Variants in NAV3 observed in about 807,000 individuals in gnomAD.
The protein encoded by NAV3 is pore membrane and/or filament interacting like protein 1.
In NAV3, 87 loss-of-function variants were observed where a neutral mutation model predicts 244.7. The observed-to-expected ratio is 0.36, with a 90% confidence interval of 0.30 to 0.42. NAV3 has a LOEUF of 0.42. NAV3 is among the 20% of genes least tolerant of loss of function. The pLI is 1.00. For synonymous variants in NAV3, 1,126 were observed against 1,042.2 expected (o/e 1.08, Z -1.55); for missense variants, 2,663 against 2,893.3 (o/e 0.92, Z 1.83).
chr12:78,212,702 C>T lies in NAV3; in HGVS notation c.*2185C>T, dbSNP rs1960976207. The T allele has an allele frequency of 2.0e-5, 3 of 152,736 alleles. No individual in the cohort carries two copies. Among genetic ancestry groups the T allele is most frequent in the Middle Eastern group, 3.4e-3 (1 of 294 alleles). 9.5% of individuals were successfully genotyped at this position (152,736 alleles called of 1,614,324 possible). ...CTGCAATACATCCCAGTAGGTCCAC[C>T]TAGTTTACAACTTAAACTAGTTTGT... On this transcript the variant is annotated 3_prime_UTR_variant, in exon 40 of 40. Transcript: ENST00000397909.
At chr12:78,204,651 A>T (rs1002168680) in intron 38 of NAV3, among the ~76,000 whole-genome samples, 2 of 152,054 alleles carry the variant, frequency 1.3e-5, no homozygotes, top group Non-Finnish European at 2.9e-5. Flanking sequence ...AAATGTGGGC[A>T]GTCATTTCTA....
intron 12 of NAV3, among the ~76,000 whole-genome samples, chr12:78,091,156 T>C (rs1305270909): frequency 6.6e-6 from 1 of 152,192 alleles, no homozygotes; most frequent in Non-Finnish European, 1.5e-5. Flanking sequence ...ACTCTACTTA[T>C]AATGTGCGAC....
At chr12:77,669,456 C>T (rs1437861960) in intron 2 of NAV3, among the ~76,000 whole-genome samples, 1 of 152,100 alleles carries the variant, frequency 6.6e-6, no homozygotes, top group Non-Finnish European at 1.5e-5. Context: ...CTTCAGGAGA[C>T]TCACCTGACA....
chr12:78,105,732 T>C (rs796536226), intron 12 of NAV3, among the ~76,000 whole-genome samples: 28 of 152,054 alleles, frequency 1.8e-4, no homozygotes, highest in African/African-American at 6.7e-4. Context: ...AAACAAAAGG[T>C]TTCTTCATCA....
intron 12 of NAV3, among the ~76,000 whole-genome samples, chr12:78,068,670 A>G (rs1952603542): frequency 6.8e-6 from 1 of 147,970 alleles, no homozygotes; most frequent in Non-Finnish European, 1.5e-5. Flanking sequence ...TATTTTATAT[A>G]TAATGGATGT....
intron 5 of NAV3, among the ~76,000 whole-genome samples, chr12:77,974,769 T>C (rs531300530): frequency 4.9e-4 from 74 of 152,288 alleles, no homozygotes; most frequent in African/African-American, 1.7e-3. Flanking sequence ...CTTCCTCTAA[T>C]ATTGGAATGG....
At chr12:78,133,166 A>G (rs895525822) in intron 18 of NAV3, among the ~76,000 whole-genome samples, 1 of 152,128 alleles carries the variant, frequency 6.6e-6, no homozygotes, top group Non-Finnish European at 1.5e-5. Flanking sequence ...CCGTGTCAAC[A>G]TAATCTCATG....
chr12:78,050,957 C>A lies in NAV3; in HGVS notation c.2326C>A (p.Pro776Thr), dbSNP rs2137254494. 1 of 1,614,032 alleles carries A rather than the reference C, an allele frequency of 6.2e-7. No individual in the cohort carries two copies. The highest frequency in any genetic ancestry group is 8.5e-7 in the Non-Finnish European group (1 of 1,180,014). Reference sequence around the variant, plus strand: ...TACCAGTCGATTCATCCACACAGACCCCTCGAGGTTCATGTATACCACGCC... The same window carrying A: ...TACCAGTCGATTCATCCACACAGACACCTCGAGGTTCATGTATACCACGCC... The part of the protein sequence containing the change: ...SGTSRFIHTD[P>T]SRFMYTTPLR... Residue 776 changes from proline to threonine, a missense_variant, in exon 11 of 40, where the codon CCC becomes ACC. Coordinates refer to ENST00000397909, the MANE Select transcript of NAV3 (RefSeq NM_001024383.2).
chr12:77,962,715 C>T (rs1892138795), intron 3 of NAV3, among the ~76,000 whole-genome samples: 1 of 152,096 alleles, frequency 6.6e-6, no homozygotes, highest in Admixed American at 6.6e-5. Context: ...TTGTGGATTA[C>T]CATCCATTAA....
intron 9 of NAV3, among the ~76,000 whole-genome samples, chr12:78,024,965 ACT>A (rs1877770645): frequency 6.9e-6 from 1 of 144,876 alleles, no homozygotes; most frequent in South Asian, 2.2e-4. Flanking sequence ...ACAGAGCAAG[ACT>A]CTGTCTCAAG....
intron 2 of NAV3, among the ~76,000 whole-genome samples, chr12:77,810,982 A>G (rs1467064144): frequency 1.3e-5 from 2 of 152,260 alleles, no homozygotes; most frequent in Non-Finnish European, 2.9e-5. Flanking sequence ...ACTACTGGTA[A>G]CAAATATACA....
chr12:77,599,600 A>C (rs943564208), intron 2 of NAV3, among the ~76,000 whole-genome samples: 2 of 151,802 alleles, frequency 1.3e-5, no homozygotes, highest in Non-Finnish European at 2.9e-5. Flanking sequence ...AGATTTCTAA[A>C]TTTGGGGTTA....
At chr12:77,716,313 T>C (rs1431072591) in intron 2 of NAV3, among the ~76,000 whole-genome samples, 1 of 151,796 alleles carries the variant, frequency 6.6e-6, no homozygotes, top group Admixed American at 6.6e-5. Flanking sequence ...TGGAAATTAT[T>C]TGTTACACTG....
chr12:77,909,073 G>A (rs1886305374), intron 1 of NAV3, among the ~76,000 whole-genome samples: 1 of 151,922 alleles, frequency 6.6e-6, no homozygotes, highest in Non-Finnish European at 1.5e-5. Context: ...ATAGTTTTGT[G>A]GAAGGATTAA....
intron 9 of NAV3, chr12:78,037,524 C>A (rs989180603): frequency 3.4e-6 from 2 of 585,046 alleles, no homozygotes; most frequent in Non-Finnish European, 6.1e-6. Flanking sequence ...ATTTTAAATT[C>A]CTGTTTCTTG....
At chr12:78,015,164 A>G (rs1460336421) in intron 8 of NAV3, among the ~76,000 whole-genome samples, 2 of 132,432 alleles carry the variant, frequency 1.5e-5, no homozygotes, top group Admixed American at 1.6e-4. Context: ...TTCTCTTCAT[A>G]TTTTATGTTA....
intron 2 of NAV3, among the ~76,000 whole-genome samples, chr12:77,748,047 A>T (rs1049379862): frequency 6.6e-5 from 10 of 151,716 alleles, no homozygotes; most frequent in South Asian, 2.1e-4. Context: ...AAATAAAAAT[A>T]AAAAAAATTG....
At chr12:78,064,647 T>A (rs1357155344) in intron 12 of NAV3, among the ~76,000 whole-genome samples, 2 of 152,102 alleles carry the variant, frequency 1.3e-5, no homozygotes, top group Non-Finnish European at 2.9e-5. Context: ...GGTGGAGACA[T>A]AATTCAATTC....
In NAV3 at chr12:77,726,914, G is replaced by A. The variant is rs1399939105; in HGVS notation, c.72+154648G>A. ...GAAAAGCCATTTCATGTAAGACTTCGTATGCCAAGGTAATAATATGGGATT... is the reference window on the plus strand; with the variant it reads ...GAAAAGCCATTTCATGTAAGACTTCATATGCCAAGGTAATAATATGGGATT... On this transcript the variant is annotated intron_variant, in intron 2 of 8. Transcript: ENST00000550042. Among the ~76,000 whole-genome samples the A allele has an allele frequency of 8.6e-5, 13 of 151,996 alleles. No homozygotes were observed. The South Asian group carries it at 2.1e-3, about 24-fold the overall frequency.
Sources: gnomAD v4.1 joint callset for allele counts (sites outside exome capture counted in the v4.1 genomes callset) on GRCh38, gnomAD v4.1.1 for gene constraint, MANE v1.5 for transcripts, NCBI Gene and HGNC (gene_info 2026-07-23, HGNC 2026-07-21) for gene names.